The following LHFPL6 variants were observed in gnomAD, a reference collection of about 807,000 sequenced individuals.
The protein encoded by LHFPL6 is LHFPL tetraspan subfamily member 6.
Under a neutral mutation model 20.6 loss-of-function variants are expected in LHFPL6, and 9 were observed. The observed-to-expected ratio is 0.44, with a 90% CI of 0.26 to 0.76. The LOEUF (loss-of-function observed/expected upper bound fraction) is 0.76. Ranked by LOEUF, LHFPL6 falls within the 30% of genes least tolerant of loss-of-function variation. The pLI, the probability that LHFPL6 is intolerant of heterozygous loss-of-function variation, is 0.20. For missense variants in LHFPL6, 218 were observed against 253.5 expected, an observed-to-expected ratio of 0.86 and a Z score of 0.95; for synonymous variants, 105 against 98.7, an observed-to-expected ratio of 1.06 and a Z score of -0.38.
At chr13:39,601,918 G>C (rs1473962198) in intron 1 of LHFPL6, among the ~76,000 whole-genome samples, 1 of 152,102 alleles carries the variant, frequency 6.6e-6, no homozygotes, top group Non-Finnish European at 1.5e-5. Flanking sequence ...ATGGTCTGCG[G>C]AGGCACCCAC....
At chr13:39,463,865 A>C (rs1275643599) in intron 2 of LHFPL6, among the ~76,000 whole-genome samples, 1 of 152,216 alleles carries the variant, frequency 6.6e-6, no homozygotes, top group Non-Finnish European at 1.5e-5. Flanking sequence ...CACTGCAGAC[A>C]GTCTGCTATT....
chr13:39,429,149 A>T (rs1457932703), intron 2 of LHFPL6, among the ~76,000 whole-genome samples: 2 of 151,816 alleles, frequency 1.3e-5, no homozygotes, highest in Non-Finnish European at 2.9e-5. Flanking sequence ...AATTAGATCA[A>T]GTTGACAGTG....
intron 2 of LHFPL6, among the ~76,000 whole-genome samples, chr13:39,437,732 C>T (rs1872001236): frequency 1.3e-5 from 2 of 152,024 alleles, no homozygotes; most frequent in South Asian, 4.1e-4. Flanking sequence ...GAAACCCCAT[C>T]TCTACTAAAA....
intron 2 of LHFPL6, among the ~76,000 whole-genome samples, chr13:39,571,676 G>GAGGGC (rs2138530893): frequency 6.6e-6 from 1 of 152,376 alleles, no homozygotes; most frequent in African/African-American, 2.4e-5. Context: ...CTTGACGGCG[G>GAGGGC]AGGGCAGCCA....
intron 2 of LHFPL6, among the ~76,000 whole-genome samples, chr13:39,487,769 G>A (rs1439637226): frequency 1.3e-5 from 2 of 152,162 alleles, no homozygotes; most frequent in Non-Finnish European, 1.5e-5. Flanking sequence ...AGCACTTTGG[G>A]AGGCTGAGGT....
intron 2 of LHFPL6, among the ~76,000 whole-genome samples, chr13:39,533,166 T>TA (rs1566134814): frequency 6.6e-6 from 1 of 152,184 alleles, no homozygotes; most frequent in Non-Finnish European, 1.5e-5. Flanking sequence ...TTCCAGAAGA[T>TA]AGTTAAAACA....
rs939505044 is a variant in LHFPL6, at chr13:39,393,441, G to A, written c.386-14915C>T. 8.8e-4 allele frequency among the ~76,000 whole-genome samples: 134 copies of A among 152,322 alleles called. 2 individuals carry two copies. Among genetic ancestry groups the A allele is most frequent in the Non-Finnish European group, 1.2e-4 (8 of 68,030 alleles). ...CAGATAAGTCAGTTCATTTTAGGCT[G>A]GACCTGAGGGGAAGGAGGCTGTTAG... is the stretch of plus-strand genomic sequence containing the variant. On this transcript the variant is annotated intron_variant, in intron 2 of 3. Coordinates refer to ENST00000379589, the MANE Select transcript of LHFPL6 (RefSeq NM_005780.3).
At chr13:39,471,755 C>G (rs999764096) in intron 2 of LHFPL6, among the ~76,000 whole-genome samples, 15 of 152,182 alleles carry the variant, frequency 9.9e-5, no homozygotes, top group Non-Finnish European at 2.9e-5. Context: ...GAGAAATTAA[C>G]CAAGGAACTA....
At chr13:39,367,268 C>T (rs1870037878) in intron 3 of LHFPL6, among the ~76,000 whole-genome samples, 1 of 152,130 alleles carries the variant, frequency 6.6e-6, no homozygotes, top group South Asian at 2.1e-4. Flanking sequence ...GTACTATGTT[C>T]CCTACCTGGA....
intron 2 of LHFPL6, among the ~76,000 whole-genome samples, chr13:39,524,609 C>T (rs1399272056): frequency 6.6e-6 from 1 of 152,138 alleles, no homozygotes; most frequent in African/African-American, 2.4e-5. Flanking sequence ...GGTATCCGGT[C>T]ATTTATAAAA....
chr13:39,375,940 T>G (rs1870284856), intron 3 of LHFPL6, among the ~76,000 whole-genome samples: 1 of 151,990 alleles, frequency 6.6e-6, no homozygotes, highest in Non-Finnish European at 1.5e-5. Flanking sequence ...TGATCAGAAA[T>G]GAAAACAACT....
chr13:39,589,117 T>G (rs1459843572), intron 2 of LHFPL6, among the ~76,000 whole-genome samples: 1 of 151,868 alleles, frequency 6.6e-6, no homozygotes, highest in Non-Finnish European at 1.5e-5. Flanking sequence ...CCAGATAAAT[T>G]TTTTTTTATT....
chr13:39,479,144 T>G (rs1358990706), intron 2 of LHFPL6, among the ~76,000 whole-genome samples: 2 of 151,698 alleles, frequency 1.3e-5, no homozygotes, highest in African/African-American at 4.8e-5. Flanking sequence ...TATCTATCTA[T>G]CTATCTATCT....
At chr13:39,419,067 A>G (rs1318932931) in intron 2 of LHFPL6, among the ~76,000 whole-genome samples, 1 of 152,130 alleles carries the variant, frequency 6.6e-6, no homozygotes, top group African/African-American at 2.4e-5. Context: ...TTAGCTTCCC[A>G]ATTAGTAAGT....
chr13:39,460,010 A>G (rs1275068131), intron 2 of LHFPL6, among the ~76,000 whole-genome samples: 1 of 152,184 alleles, frequency 6.6e-6, no homozygotes. Flanking sequence ...TTAAAAAAAA[A>G]GATATATGTC....
chr13:39,538,962 A>G (rs113998154), intron 2 of LHFPL6, among the ~76,000 whole-genome samples: 198 of 152,284 alleles, frequency 1.3e-3, no homozygotes, highest in African/African-American at 4.6e-3. Flanking sequence ...CGCGGGCCAT[A>G]TGGATTCCAT....
chr13:39,582,474 G>A (rs994057882), intron 2 of LHFPL6, among the ~76,000 whole-genome samples: 3 of 152,122 alleles, frequency 2.0e-5, no homozygotes, highest in Non-Finnish European at 4.4e-5. Context: ...GGGAGAGGAT[G>A]GAAATGTAAT....
At chr13:39,426,224 C>CTTT (rs148406280) in intron 2 of LHFPL6, among the ~76,000 whole-genome samples, 1 of 143,778 alleles carries the variant, frequency 7.0e-6, no homozygotes, top group African/African-American at 2.6e-5. Flanking sequence ...TTTTCTTTTT[C>CTTT]TTTTTTTTTT....
chr13:39,584,757 A>T (rs1377412671), intron 2 of LHFPL6, among the ~76,000 whole-genome samples: 3 of 152,060 alleles, frequency 2.0e-5, no homozygotes, highest in Non-Finnish European at 4.4e-5. Flanking sequence ...GAAGGGCAAA[A>T]CAACAAAAAC....
Sources: gnomAD v4.1 joint callset for allele counts (sites outside exome capture counted in the v4.1 genomes callset) on GRCh38, gnomAD v4.1.1 for gene constraint, MANE v1.5 for transcripts, NCBI Gene and HGNC (gene_info 2026-07-23, HGNC 2026-07-21) for gene names.